The following TRRAP variants were observed in gnomAD, a reference collection of about 807,000 sequenced individuals.
TRRAP encodes transformation/transcription domain-associated protein.
Under a neutral mutation model 438.8 loss-of-function variants are expected in TRRAP, and 41 were observed. The observed-to-expected ratio is 0.09, with a 90% confidence interval of 0.07 to 0.12. The LOEUF (loss-of-function observed/expected upper bound fraction) is 0.12, where lower values mean the gene tolerates loss of function less well. Among genes scored for constraint, TRRAP ranks in the 10% least tolerant of loss-of-function variants. The pLI is 1.00. For missense variants in TRRAP, 3,122 were observed against 5,055.1 expected (o/e 0.62, Z 11.60); for synonymous variants, 1,994 against 1,962.9 (o/e 1.02, Z -0.42).
chr7:98,905,267 G>T (rs192890793), intron 12 of TRRAP, among the ~76,000 whole-genome samples: 1 of 152,114 alleles, frequency 6.6e-6, no homozygotes, highest in African/African-American at 2.4e-5. Flanking sequence ...CTGTTCCTCC[G>T]TGTGCTGCCT....
intron 18 of TRRAP, among the ~76,000 whole-genome samples, chr7:98,914,149 CT>C (rs1229706142): frequency 6.6e-6 from 1 of 152,150 alleles, no homozygotes; most frequent in Non-Finnish European, 1.5e-5. Flanking sequence ...AATTCTAGCA[CT>C]TCCGGAGGCT....
chr7:98,953,115 C>G, intron 39 of TRRAP, 52 bp from the exon 40 acceptor site: 2 of 1,583,986 alleles, frequency 1.3e-6, no homozygotes, highest in Non-Finnish European at 1.7e-6. Context: ...GACCCTCAGT[C>G]AGTAACCCAG....
chr7:98,986,433 C>T (rs1348423538), intron 62 of TRRAP, among the ~76,000 whole-genome samples: 1 of 152,230 alleles, frequency 6.6e-6, no homozygotes, highest in African/African-American at 2.4e-5. Context: ...TCCATATCCT[C>T]ACCAGCACTT....
Position 98,964,767 on chromosome 7 carries a change from C to G in TRRAP, c.6968C>G (p.Ala2323Gly). The change falls in exon 48 of 73, where the codon GCC (alanine) becomes GGC (glycine). Residue 2323 changes from alanine to glycine, a missense_variant. By Grantham distance (60) the Ala-to-Gly change is moderately conservative. Transcript: ENST00000456197. ...NPQAASGSTE[A>G]TSGTSELVML... Reference sequence around the variant, plus strand: ...CAGGCAGCGTCAGGAAGCACCGAAGCCACCTCAGGTGATGTGCTGGCCACC... The same window carrying G: ...CAGGCAGCGTCAGGAAGCACCGAAGGCACCTCAGGTGATGTGCTGGCCACC... 6.2e-7 allele frequency: 1 copy of G among 1,612,460 alleles called. No homozygotes were observed. The highest frequency in any genetic ancestry group is 1.3e-5 in the African/African-American group (1 of 74,994).
chr7:98,959,223 C>A (rs2116653948), intron 44 of TRRAP, 121 bp from the exon 45 acceptor site: 1 of 1,351,414 alleles, frequency 7.4e-7, no homozygotes, highest in Non-Finnish European at 1.0e-6. Context: ...AGAGAGGTGG[C>A]TGTGAGGTGA....
At chr7:99,001,718 G>A (rs1301512246) in intron 67 of TRRAP, among the ~76,000 whole-genome samples, 1 of 152,104 alleles carries the variant, frequency 6.6e-6, no homozygotes, top group Non-Finnish European at 1.5e-5. Flanking sequence ...AATGCAGTCC[G>A]ATTCTCTAGC....
intron 3 of TRRAP, among the ~76,000 whole-genome samples, 188 bp downstream of exon 3, chr7:98,882,212 C>T (rs782423627): frequency 6.6e-6 from 1 of 152,112 alleles, no homozygotes; most frequent in African/African-American, 2.4e-5. Context: ...CTGGTGATAG[C>T]GAACCCCATA....
chr7:98,943,115 C>A, intron 31 of TRRAP, 98 bp downstream of exon 31: 1 of 1,295,308 alleles, frequency 7.7e-7, no homozygotes, highest in South Asian at 1.3e-5. Context: ...GGTCAGAAAC[C>A]TAGTTTGACG....
chr7:98,965,675 G>T (rs760533675), intron 48 of TRRAP, 21 bp from the exon 49 acceptor site: 45 of 1,613,630 alleles, frequency 2.8e-5, no homozygotes, highest in Middle Eastern at 1.8e-4. Flanking sequence ...CCGTGGGTTT[G>T]TTCTTAATTG....
At chr7:98,981,308 A>G (rs988331497) in intron 58 of TRRAP, among the ~76,000 whole-genome samples, 1 of 152,168 alleles carries the variant, frequency 6.6e-6, no homozygotes, top group African/African-American at 2.4e-5. Context: ...AGGCTGAGGC[A>G]GGAGAATAGC....
chr7:98,975,030 A>G (rs150768), intron 53 of TRRAP, among the ~76,000 whole-genome samples: 45,791 of 152,052 alleles, frequency 0.3, 11,391 homozygotes, highest in African/African-American at 0.69. Context: ...TGGGCTCTTC[A>G]ATTCTCCCCA....
At position 98,910,150 on chromosome 7, in the gene TRRAP, C is replaced by G. The variant is rs200161132; in HGVS notation, c.1445C>G (p.Ala482Gly). 1.1e-4 allele frequency: 173 copies of G among 1,612,520 alleles called. 1 individual carries two copies. The East Asian group carries it at 1.3e-3, about 12-fold the overall frequency. ...CAGTCAGAACTTGGAGCCGTGGAAG[C>G]AGCTCTGCCTGGGGTGCCCACTGCC... ...KPQSELGAVE[A>G]ALPGVPTAPA... The change falls in exon 15 of 73, where the codon GCA becomes GGA. Residue 482 changes from alanine to glycine, a missense_variant. Physicochemically the swap from Ala to Gly is moderately conservative, Grantham distance 60 (BLOSUM62 0). This residue lies in a region of TRRAP where 115 missense variants were observed against 124.6 expected (regional missense o/e 0.92). Coordinates refer to ENST00000456197, the MANE Select transcript of TRRAP (RefSeq NM_001375524.1).
chr7:98,909,896 T>G (rs1554408322), intron 14 of TRRAP, among the ~76,000 whole-genome samples, 160 bp from the exon 15 acceptor site: 1 of 152,162 alleles, frequency 6.6e-6, no homozygotes, highest in Non-Finnish European at 1.5e-5. Flanking sequence ...TCAGAAGTAA[T>G]GGCAAAAACT....
intron 65 of TRRAP, among the ~76,000 whole-genome samples, chr7:98,993,070 G>A (rs1793499358): frequency 1.3e-5 from 2 of 152,220 alleles, no homozygotes; most frequent in Admixed American, 6.5e-5. Context: ...AATTGGCTTG[G>A]CTTTCCAAAC....
chr7:98,880,914 T>C (rs185162657), intron 1 of TRRAP, among the ~76,000 whole-genome samples, 176 bp from the exon 2 acceptor site: 2 of 152,220 alleles, frequency 1.3e-5, no homozygotes, highest in Admixed American at 1.3e-4. Context: ...GTTTCAAAAT[T>C]AATAGACAAA....
At chr7:99,010,857 G>A (rs113604225) in intron 70 of TRRAP, among the ~76,000 whole-genome samples, 195 bp from the exon 71 acceptor site, 58 of 152,272 alleles carry the variant, frequency 3.8e-4, no homozygotes, top group Admixed American at 7.2e-4. Context: ...AGACAGTGGC[G>A]AACCCTGGAG....
rs915945020 is a variant in TRRAP, at chr7:98,984,160, T to G, written c.9090T>G (p.Val3030=). The G allele has an allele frequency of 1.2e-6, 2 of 1,614,052 alleles. No homozygotes were observed. The highest frequency in any genetic ancestry group is 2.7e-5 in the African/African-American group (2 of 74,932). The change falls in exon 61 of 73, where the codon GTT becomes GTG. Residue 3030 remains valine, a synonymous_variant. Transcript: ENST00000456197. The stretch of plus-strand genomic sequence containing the variant: ...GTTCAAATAACGCTATGCTTGGGGT[T>G]CATGCATCAGCTTCAGCGATCATCC... The part of the protein sequence containing the change: ...DPSSNNAMLG[V]HASASAIIQY...
intron 11 of TRRAP, 31 bp downstream of exon 11, chr7:98,900,751 T>C (rs782538373): frequency 7.6e-6 from 12 of 1,574,738 alleles, no homozygotes; most frequent in African/African-American, 5.4e-5. Context: ...GTCAGGTTTA[T>C]TGAGATAGTT....
chr7:98,950,409 G>A (rs1206401328), intron 38 of TRRAP, 147 bp downstream of exon 38: 9 of 958,670 alleles, frequency 9.4e-6, no homozygotes, highest in Non-Finnish European at 1.4e-5. Context: ...GTAATCCCAG[G>A]TACTCAGGAG....
Sources: gnomAD v4.1 joint callset for allele counts (sites outside exome capture counted in the v4.1 genomes callset) on GRCh38, gnomAD v4.1.1 for gene constraint, gnomAD v4.1.1 regional missense constraint, MANE v1.5 for transcripts, NCBI Gene and HGNC (gene_info 2026-07-23, HGNC 2026-07-21) for gene names.